The following EPHA5 variants were observed in gnomAD, a reference collection of about 807,000 sequenced individuals.
EPHA5 encodes the protein EPH receptor A5, also known as ephrin type-A receptor 5.
Under a neutral mutation model 105.0 loss-of-function variants are expected in EPHA5, and 60 were observed. That is an observed-to-expected ratio of 0.57 (90% CI 0.46 to 0.71). The LOEUF is 0.71. EPHA5 is among the 30% of genes least tolerant of loss of function. The pLI is 0.00. For missense variants in EPHA5, 1,218 were observed against 1,274.7 expected (o/e 0.96, Z 0.68); for synonymous variants, 513 against 449.1 (o/e 1.14, Z -1.80).
chr4:65,359,861 C>T (rs939536186), intron 11 of EPHA5, among the ~76,000 whole-genome samples: 4 of 151,596 alleles, frequency 2.6e-5, no homozygotes, highest in East Asian at 1.9e-4. Flanking sequence ...GTTAGCTCTA[C>T]GTCTTCAAAG....
intron 2 of EPHA5, among the ~76,000 whole-genome samples, chr4:65,626,100 C>CAAA (rs11304193): frequency 3.0e-5 from 4 of 131,594 alleles, no homozygotes; most frequent in Non-Finnish European, 4.8e-5. Flanking sequence ...CACTCCGTCT[C>CAAA]AAAAAAAAAA....
chr4:65,664,092 T>A (rs1215544819), intron 1 of EPHA5, among the ~76,000 whole-genome samples: 3 of 151,894 alleles, frequency 2.0e-5, no homozygotes, highest in Non-Finnish European at 4.4e-5. Flanking sequence ...TACAAACAAA[T>A]GTCTGGAAAG....
intron 14 of EPHA5, among the ~76,000 whole-genome samples, chr4:65,337,769 C>G (rs17086106): frequency 0.066 from 9,990 of 152,042 alleles, 406 homozygotes; most frequent in Admixed American, 0.13. Flanking sequence ...TAAGGGTCAT[C>G]AGCACTTGGC....
intron 2 of EPHA5, among the ~76,000 whole-genome samples, chr4:65,606,947 C>G (rs554513381): frequency 6.6e-6 from 1 of 152,112 alleles, no homozygotes; most frequent in African/African-American, 2.4e-5. Flanking sequence ...ACCTAACTGC[C>G]TCTTTAAATA....
chr4:65,356,863 G>A (rs561339611), intron 11 of EPHA5, among the ~76,000 whole-genome samples: 7 of 151,444 alleles, frequency 4.6e-5, no homozygotes, highest in Middle Eastern at 3.4e-3. Context: ...AATTAACATG[G>A]CTTACTCTAA....
At chr4:65,573,488 T>C (rs1427260743) in intron 3 of EPHA5, 1 of 1,552,472 alleles carries the variant, frequency 6.4e-7, no homozygotes, top group Non-Finnish European at 8.7e-7. Context: ...AGAAGCCAGA[T>C]ACTAAAGAGA....
Position 65,414,342 on chromosome 4 carries a change from A to G in EPHA5, c.1629T>C (p.Arg543=), listed in dbSNP as rs764773283. Residue 543 remains arginine (R), a synonymous_variant, in exon 7 of 17, where the codon CGT becomes CGC. Transcript: ENST00000613740. The part of the protein sequence containing the change: ...ASVYVFQIRA[R]TAAGYGVFSR... The stretch of plus-strand genomic sequence containing the variant: ...TGAAGACACCATAGCCTGCTGCTGT[A>G]CGTGCTCGAATTTGGAAGACATAAA... 6.2e-7 allele frequency: 1 copy of G among 1,614,030 alleles called. No homozygotes were observed. Among genetic ancestry groups the G allele is most frequent in the Non-Finnish European group, 8.5e-7 (1 of 1,179,920 alleles).
intron 2 of EPHA5, among the ~76,000 whole-genome samples, chr4:65,634,517 T>C (rs1372230956): frequency 1.3e-5 from 2 of 152,110 alleles, no homozygotes; most frequent in African/African-American, 4.8e-5. Context: ...TATACTTCAG[T>C]GTATGCTTAA....
At chr4:65,530,018 G>A (rs1447658247) in intron 3 of EPHA5, among the ~76,000 whole-genome samples, 2 of 152,038 alleles carry the variant, frequency 1.3e-5, no homozygotes, top group East Asian at 3.8e-4. Flanking sequence ...ACATAACTAT[G>A]TGTCCTTTGT....
intron 3 of EPHA5, among the ~76,000 whole-genome samples, chr4:65,530,989 T>C (rs1735714512): frequency 6.6e-6 from 1 of 151,160 alleles, no homozygotes; most frequent in Non-Finnish European, 1.5e-5. Context: ...CTGATTTAGC[T>C]GGATGGATTT....
chr4:65,403,641 T>G (rs1722072736), intron 8 of EPHA5, among the ~76,000 whole-genome samples: 1 of 152,050 alleles, frequency 6.6e-6, no homozygotes, highest in Non-Finnish European at 1.5e-5. Context: ...TTATTGCATT[T>G]TATTTTATTT....
chr4:65,399,566 T>G (rs545635333), intron 8 of EPHA5, among the ~76,000 whole-genome samples: 5 of 152,372 alleles, frequency 3.3e-5, no homozygotes, highest in Non-Finnish European at 7.3e-5. Flanking sequence ...CATAACAGAA[T>G]TATTCTTCCT....
Position 65,612,348 on chromosome 4 carries a change from T to C in EPHA5, c.247-10044A>G, listed in dbSNP as rs187328094. 9.5e-4 allele frequency among the ~76,000 whole-genome samples: 145 copies of C among 152,232 alleles called. 1 individual carries two copies. The highest frequency in any genetic ancestry group is 3.2e-3 in the African/African-American group (135 of 41,548). Reference sequence around the variant, plus strand: ...TCCCACCCTCTCACCTTGCCGAGTTTCCAAAACTTATTATTCCACTCTCTA... The same window carrying C: ...TCCCACCCTCTCACCTTGCCGAGTTCCCAAAACTTATTATTCCACTCTCTA... On this transcript the variant is annotated intron_variant, in intron 2 of 16. Transcript: ENST00000613740.
chr4:65,450,183 A>G (rs1246319416), intron 5 of EPHA5, among the ~76,000 whole-genome samples: 1 of 152,184 alleles, frequency 6.6e-6, no homozygotes, highest in African/African-American at 2.4e-5. Flanking sequence ...CCACTTAAGG[A>G]TGATAGTATA....
chr4:65,430,256 T>A (rs540199549), intron 5 of EPHA5, among the ~76,000 whole-genome samples: 1 of 152,154 alleles, frequency 6.6e-6, no homozygotes, highest in Non-Finnish European at 1.5e-5. Flanking sequence ...TTAAATGGCA[T>A]AAAATCCATA....
chr4:65,394,351 C>T (rs907819605), intron 8 of EPHA5, among the ~76,000 whole-genome samples: 1 of 152,142 alleles, frequency 6.6e-6, no homozygotes, highest in African/African-American at 2.4e-5. Flanking sequence ...AAGTTATATC[C>T]TAAAGAGCAA....
intron 3 of EPHA5, among the ~76,000 whole-genome samples, chr4:65,555,023 T>G (rs1738287335): frequency 6.7e-6 from 1 of 148,932 alleles, no homozygotes; most frequent in Non-Finnish European, 1.5e-5. Flanking sequence ...GTACATGTTT[T>G]TGTCAGTTTT....
chr4:65,656,922 A>G (rs939804368), intron 1 of EPHA5, among the ~76,000 whole-genome samples: 12 of 148,816 alleles, frequency 8.1e-5, no homozygotes, highest in African/African-American at 2.9e-4. Flanking sequence ...TATATTTGAT[A>G]TTATTTTAGA....
chr4:65,667,338 A>C (rs930197050), intron 1 of EPHA5, among the ~76,000 whole-genome samples: 1 of 152,208 alleles, frequency 6.6e-6, no homozygotes, highest in African/African-American at 2.4e-5. Context: ...CTCAGCTGAG[A>C]TAGGATGAAT....
Sources: gnomAD v4.1 joint callset for allele counts (sites outside exome capture counted in the v4.1 genomes callset) on GRCh38, gnomAD v4.1.1 for gene constraint, MANE v1.5 for transcripts, NCBI Gene and HGNC (gene_info 2026-07-23, HGNC 2026-07-21) for gene names.